The following DNAH12 variants were observed in gnomAD, a reference collection of about 807,000 sequenced individuals.
The protein encoded by DNAH12 is dynein axonemal heavy chain 12.
A neutral mutation model predicts 371.5 loss-of-function variants in DNAH12; 285 were observed. The ratio of observed to expected loss-of-function variants is 0.77; its 90% CI spans 0.70 to 0.85. DNAH12 has a LOEUF of 0.85. DNAH12 is among the 40% of genes least tolerant of loss of function. DNAH12 has a pLI of 0.00. For synonymous variants in DNAH12, 1,200 were observed against 1,213.0 expected (o/e 0.99, Z 0.22); for missense variants, 3,611 against 3,689.4 (o/e 0.98, Z 0.55).
At chr3:57,496,969 C>CAA (rs572375616) in intron 11 of DNAH12, among the ~76,000 whole-genome samples, 7 of 137,324 alleles carry the variant, frequency 5.1e-5, no homozygotes, top group African/African-American at 1.9e-4. Flanking sequence ...AACTCTGTCT[C>CAA]AAAAAAAAAA....
At chr3:57,458,595 C>T (rs2065967461) in intron 20 of DNAH12, among the ~76,000 whole-genome samples, 1 of 152,164 alleles carries the variant, frequency 6.6e-6, no homozygotes. Context: ...CTACATCCTG[C>T]AGACCAAATC....
intron 44 of DNAH12, among the ~76,000 whole-genome samples, chr3:57,392,813 T>A (rs1395668427): frequency 6.6e-6 from 1 of 152,092 alleles, no homozygotes; most frequent in Non-Finnish European, 1.5e-5. Flanking sequence ...AGATAGATAA[T>A]AGCTAAAGAA....
At chr3:57,314,876 C>T (rs571087663) in intron 65 of DNAH12, among the ~76,000 whole-genome samples, 2 of 152,162 alleles carry the variant, frequency 1.3e-5, no homozygotes, top group African/African-American at 4.8e-5. Flanking sequence ...AATGCAAAAA[C>T]GTTATCATTT....
At chr3:57,498,275 G>A (rs1434033754) in intron 11 of DNAH12, 17 of 539,938 alleles carry the variant, frequency 3.1e-5, no homozygotes, top group Non-Finnish European at 4.3e-5. Context: ...ATACACTGCT[G>A]GTGAGATTGT....
intron 5 of DNAH12, among the ~76,000 whole-genome samples, chr3:57,509,617 T>A (rs145872818): frequency 2.3e-4 from 35 of 151,850 alleles, no homozygotes; most frequent in Middle Eastern, 3.4e-3. Context: ...ATTCCAGCAC[T>A]TTGAGAAGCC....
intron 11 of DNAH12, chr3:57,498,391 A>C: frequency 1.5e-6 from 1 of 674,610 alleles, no homozygotes; most frequent in Non-Finnish European, 2.7e-6. Context: ...ATCATAACTC[A>C]CTGCAGACTC....
intron 11 of DNAH12, among the ~76,000 whole-genome samples, chr3:57,495,848 GTA>G (rs2067296778): frequency 1.5e-5 from 2 of 137,450 alleles, no homozygotes; most frequent in Admixed American, 1.5e-4. Flanking sequence ...TTTAAACAAT[GTA>G]TTTATATATT....
At chr3:57,331,165 T>C (rs1417439476) in intron 62 of DNAH12, among the ~76,000 whole-genome samples, 1 of 152,128 alleles carries the variant, frequency 6.6e-6, no homozygotes, top group South Asian at 2.1e-4. Context: ...CAGACAATTA[T>C]TGTACATTCT....
chr3:57,368,002 C>T (rs2063088626), intron 56 of DNAH12, 44 bp downstream of exon 56: 1 of 152,120 alleles, frequency 6.6e-6, no homozygotes, highest in Admixed American at 6.5e-5. Flanking sequence ...CAAGATAATT[C>T]AATCATCTTT....
At chr3:57,362,014 T>TC (rs2062947684) in intron 58 of DNAH12, among the ~76,000 whole-genome samples, 1 of 130,920 alleles carries the variant, frequency 7.6e-6, no homozygotes, top group African/African-American at 2.9e-5. Flanking sequence ...CCCTCCCCAC[T>TC]CCCCCCACCC....
intron 2 of DNAH12, chr3:57,536,315 C>A (rs2069043385): frequency 6.6e-6 from 1 of 152,192 alleles, no homozygotes; most frequent in African/African-American, 2.4e-5. Flanking sequence ...CTAATCTTCT[C>A]TGTATTGTTC....
intron 9 of DNAH12, among the ~76,000 whole-genome samples, chr3:57,503,415 A>G (rs1262808364): frequency 1.3e-3 from 192 of 148,316 alleles, no homozygotes; most frequent in African/African-American, 4.7e-3. Context: ...TTTGAGACGG[A>G]GTCTCACTGT....
chr3:57,428,101 A>G (rs1202717456), intron 34 of DNAH12, among the ~76,000 whole-genome samples: 1 of 151,568 alleles, frequency 6.6e-6, no homozygotes, highest in Non-Finnish European at 1.5e-5. Context: ...GCTAATTTTT[A>G]TATCTTTAGT....
chr3:57,474,465 T>A lies in DNAH12; in HGVS notation c.1651-1794A>T, dbSNP rs1380776533. On this transcript the variant is annotated intron_variant, in intron 13 of 73. Transcript: ENST00000495027. ...GCATGTGCCACCACGCCCAGCTAAC[T>A]TTTTGTGTTTAGCAGAGACGGGATT... 2.6e-5 allele frequency among the ~76,000 whole-genome samples: 4 copies of A among 152,142 alleles called. No homozygotes were observed. In the East Asian group the frequency reaches 5.8e-4, roughly 22 times the overall value.
chr3:57,416,466 C>T (rs1219712454), intron 37 of DNAH12, among the ~76,000 whole-genome samples: 1 of 152,086 alleles, frequency 6.6e-6, no homozygotes, highest in Non-Finnish European at 1.5e-5. Flanking sequence ...ACTTATGAAA[C>T]AAGTAATAAT....
chr3:57,419,643 T>C (rs1304460981), intron 36 of DNAH12, 125 bp from the exon 37 acceptor site: 2 of 582,928 alleles, frequency 3.4e-6, no homozygotes, highest in African/African-American at 1.9e-5. Context: ...TTTAATGAAA[T>C]ATTACATTCA....
At chr3:57,429,801 T>C (rs752015696) in intron 32 of DNAH12, 27 bp from the exon 33 acceptor site, 2 of 1,489,932 alleles carry the variant, frequency 1.3e-6, no homozygotes, top group East Asian at 5.1e-5. Context: ...TTCAAATGTT[T>C]ATTTTTTAAA....
chr3:57,498,466 G>A (rs1365478410), intron 11 of DNAH12: 4 of 710,640 alleles, frequency 5.6e-6, no homozygotes, highest in Non-Finnish European at 1.0e-5. Context: ...ACAGGTGCAA[G>A]CTACTATGCC....
chr3:57,373,464 A>AC (rs1193562811), intron 55 of DNAH12, among the ~76,000 whole-genome samples: 3 of 147,958 alleles, frequency 2.0e-5, no homozygotes, highest in Admixed American at 6.8e-5. Context: ...ACAGGTGCAC[A>AC]CCACCACACC....
Sources: gnomAD v4.1 joint callset for allele counts (sites outside exome capture counted in the v4.1 genomes callset) on GRCh38, gnomAD v4.1.1 for gene constraint, MANE v1.5 for transcripts, NCBI Gene and HGNC (gene_info 2026-07-23, HGNC 2026-07-21) for gene names.